SSH2: variants seen among roughly 807,000 people sequenced by gnomAD.
The protein encoded by SSH2 is protein phosphatase Slingshot homolog 2.
SSH2 carries 37 observed loss-of-function variants against 135.2 expected under a neutral mutation model. The observed-to-expected ratio is 0.27, with a 90% confidence interval of 0.21 to 0.36. The LOEUF is 0.36. Among genes scored for constraint, SSH2 ranks in the 10% least tolerant of loss-of-function variants. The pLI, the probability that SSH2 is intolerant of heterozygous loss-of-function variation, is 1.00. For synonymous variants in SSH2, 628 were observed against 646.2 expected, an observed-to-expected ratio of 0.97 and a Z score of 0.43; for missense variants, 1,408 against 1,765.3, an observed-to-expected ratio of 0.80 and a Z score of 3.63.
chr17:29,895,740 A>G (rs28715670), intron 1 of SSH2, among the ~76,000 whole-genome samples: 4,361 of 51,182 alleles, frequency 0.085, 708 homozygotes, highest in East Asian at 0.28. Flanking sequence ...CACATTTCAT[A>G]TATAAAATGT....
chr17:29,849,478 C>CAAA (rs36026122), intron 1 of SSH2, among the ~76,000 whole-genome samples: 52 of 48,218 alleles, frequency 1.1e-3, no homozygotes, highest in Non-Finnish European at 9.6e-4. Flanking sequence ...GACTCCGTCT[C>CAAA]AAAAAAAAAA....
chr17:29,927,564 G>A (rs2067089880), intron 1 of SSH2, among the ~76,000 whole-genome samples: 1 of 152,120 alleles, frequency 6.6e-6, no homozygotes, highest in African/African-American at 2.4e-5. Context: ...GGTCCTCTAG[G>A]TTCTTTTTGC....
At chr17:29,872,671 G>T (rs2065958042) in intron 1 of SSH2, among the ~76,000 whole-genome samples, 1 of 152,128 alleles carries the variant, frequency 6.6e-6, no homozygotes, top group African/African-American at 2.4e-5. Flanking sequence ...ACAAGAGGAG[G>T]GCTTATAGGT....
intron 1 of SSH2, among the ~76,000 whole-genome samples, chr17:29,916,828 T>C (rs1190902332): frequency 1.3e-5 from 2 of 152,144 alleles, no homozygotes; most frequent in Non-Finnish European, 2.9e-5. Context: ...ACGTGGTTTA[T>C]CCTAATACTT....
chr17:29,674,277 A>C (rs911934863), intron 8 of SSH2: 1 of 432,444 alleles, frequency 2.3e-6, no homozygotes, highest in Non-Finnish European at 4.6e-6. Context: ...AGAGTCTTTT[A>C]AAAATGCTTT....
Position 29,793,900 on chromosome 17 carries a change from G to A in SSH2, c.182C>T (p.Pro61Leu), listed in dbSNP as rs140513765. 8.0e-4 allele frequency: 1,296 copies of A among 1,612,894 alleles called. 1 individual carries two copies. Among genetic ancestry groups the A allele is most frequent in the Non-Finnish European group, 1.0e-3 (1,221 of 1,179,262 alleles). Residue 61 changes from proline to leucine, a missense_variant, in exon 3 of 16, where the codon CCC becomes CTC. By Grantham distance (98) the Pro-to-Leu change is moderately conservative (BLOSUM62 -3). Transcript: ENST00000540801. ...ATATAATGAACAAACATACCTCCTG[G>A]GCTGTGACCGGCATTCTTCCTCCCC... is the stretch of plus-strand genomic sequence containing the variant. ...DSGEEECRSQ[P>L]RSISESFLTV...
intron 4 of SSH2, 47 bp downstream of exon 4, chr17:29,702,912 A>G (rs1397351567): frequency 2.2e-6 from 3 of 1,387,642 alleles, no homozygotes; most frequent in Non-Finnish European, 3.1e-6. Context: ...AGAATGTAAC[A>G]AAAGATATAG....
chr17:29,671,201 G>C (rs934285892), intron 9 of SSH2, among the ~76,000 whole-genome samples: 15 of 152,260 alleles, frequency 9.9e-5, no homozygotes, highest in African/African-American at 2.6e-4. Context: ...AAATTAGCAG[G>C]CTGGGCGTAG....
intron 5 of SSH2, among the ~76,000 whole-genome samples, chr17:29,694,773 A>C (rs1197049622): frequency 6.6e-6 from 1 of 152,210 alleles, no homozygotes; most frequent in Non-Finnish European, 1.5e-5. Context: ...AACAAAATGT[A>C]TCTCTGGCCT....
intron 3 of SSH2, among the ~76,000 whole-genome samples, chr17:29,761,841 A>AGTGTGTGTGTG (rs2041319161): frequency 7.1e-6 from 1 of 141,228 alleles, no homozygotes; most frequent in African/African-American, 2.9e-5. Flanking sequence ...ACTCACATAC[A>AGTGTGTGTGTG]TATGTGTGTG....
At chr17:29,722,586 G>C (rs1248133692) in intron 3 of SSH2, among the ~76,000 whole-genome samples, 1 of 152,176 alleles carries the variant, frequency 6.6e-6, no homozygotes, top group Non-Finnish European at 1.5e-5. Flanking sequence ...TACGCAAAAA[G>C]CTATGCACGG....
chr17:29,735,741 T>C (rs1157064260), intron 3 of SSH2, among the ~76,000 whole-genome samples: 1 of 144,576 alleles, frequency 6.9e-6, no homozygotes, highest in Non-Finnish European at 1.5e-5. Context: ...AAAGCACACA[T>C]CAGGTAAATC....
chr17:29,908,907 T>C (rs1009051978), intron 1 of SSH2, among the ~76,000 whole-genome samples: 4 of 149,618 alleles, frequency 2.7e-5, no homozygotes, highest in African/African-American at 7.4e-5. Context: ...TGAAACCCCA[T>C]CTCTACTAAA....
At chr17:29,904,233 A>G (rs1304646063) in intron 1 of SSH2, among the ~76,000 whole-genome samples, 1 of 152,240 alleles carries the variant, frequency 6.6e-6, no homozygotes, top group South Asian at 2.1e-4. Context: ...CTTGGTGAAC[A>G]TCGATGGAGA....
chr17:29,783,998 G>A (rs1165967778), intron 3 of SSH2, among the ~76,000 whole-genome samples: 1 of 133,326 alleles, frequency 7.5e-6, no homozygotes, highest in Non-Finnish European at 1.6e-5. Context: ...CCCGGGAGGC[G>A]GAGCTTGCAG....
chr17:29,780,906 G>A (rs1018363435), intron 3 of SSH2, among the ~76,000 whole-genome samples: 1 of 151,708 alleles, frequency 6.6e-6, no homozygotes, highest in Non-Finnish European at 1.5e-5. Flanking sequence ...TCCGCCTCCC[G>A]GTTCACGCCA....
chr17:29,761,067 C>T (rs2041277458), intron 3 of SSH2: 1 of 1,267,086 alleles, frequency 7.9e-7, no homozygotes. Context: ...ATTGTTTGCT[C>T]CCCAGGATGC....
At chr17:29,689,884 T>C (rs985435734) in intron 5 of SSH2, among the ~76,000 whole-genome samples, 9 of 151,814 alleles carry the variant, frequency 5.9e-5, no homozygotes, top group African/African-American at 2.2e-4. Flanking sequence ...CATCATGGCA[T>C]GTACCTGTAA....
rs777501868 is a variant in SSH2 at position 29,636,076 on chromosome 17, C to G, written c.2154G>C (p.Val718=). ...GGRNESCRLS[V]VEVAPSKVTA... is the part of the protein sequence containing the mutation. ...TCACTTTGGAAGGGGCTACTTCTAC[C>G]ACTGACAGTCGACAGCTCTCATTCC... is the stretch of plus-strand genomic sequence containing the variant. The change falls in exon 15 of 16, where the codon GTG becomes GTC. Residue 718 remains valine (V), a synonymous_variant. Coordinates refer to ENST00000540801, the MANE Select transcript of SSH2 (RefSeq NM_001282129.2). 15 of 1,614,062 alleles carry G rather than the reference C, an allele frequency of 9.3e-6. No individual in the cohort carries two copies. In the East Asian group the frequency reaches 2.0e-4, roughly 22 times the overall value.
Sources: gnomAD v4.1 joint callset for allele counts (sites outside exome capture counted in the v4.1 genomes callset) on GRCh38, gnomAD v4.1.1 for gene constraint, MANE v1.5 for transcripts, NCBI Gene and HGNC (gene_info 2026-07-23, HGNC 2026-07-21) for gene names.